The following VEGFD variants were observed in gnomAD, a reference collection of about 807,000 sequenced individuals.
VEGFD encodes the protein vascular endothelial growth factor D.
Under a neutral mutation model 28.0 loss-of-function variants are expected in VEGFD, and 26 were observed. That is an observed-to-expected ratio of 0.93 (90% CI 0.68 to 1.29). The LOEUF is 1.29. VEGFD is among the 50% of genes most tolerant of loss of function. The pLI is 0.00. For missense variants in VEGFD, 294 were observed against 273.4 expected (o/e 1.08, Z -0.53); for synonymous variants, 93 against 95.5 (o/e 0.97, Z 0.15).
rs191106284 is a variant in VEGFD at position 15,359,832 on chromosome X, C to T, written c.302-1639G>A. On this transcript the variant is annotated intron_variant, in intron 2 of 6. Coordinates refer to ENST00000297904, the MANE Select transcript of VEGFD (RefSeq NM_004469.5). ...AAGCACACTCTGCTTCAGCTGTGCCCTAAGATGCCTGCAGCCCAAGCCAAC... is the reference window on the plus strand; with the variant it reads ...AAGCACACTCTGCTTCAGCTGTGCCTTAAGATGCCTGCAGCCCAAGCCAAC... 1.0e-3 allele frequency among the ~76,000 whole-genome samples: 113 copies of T among 111,949 alleles called. 2 individuals carry two copies. In the Middle Eastern group the frequency reaches 0.018, roughly 18 times the overall value.
Position 15,377,347 on chromosome X carries a change from T to A in VEGFD, c.90+6510A>T, listed in dbSNP as rs16997031. On this transcript the variant is annotated intron_variant, in intron 1 of 6. Coordinates refer to ENST00000297904, the MANE Select transcript of VEGFD (RefSeq NM_004469.5). The stretch of plus-strand genomic sequence containing the variant: ...AGCCATGGTTGTTTCCCATCTTCAC[T>A]AAAGTTGTTCTGAATGTGGTAATGT... Among the ~76,000 whole-genome samples the A allele has an allele frequency of 3.9e-3, 437 of 111,930 alleles. 3 individuals carry two copies. Among genetic ancestry groups the A allele is most frequent in the African/African-American group, 0.013 (414 of 30,824 alleles).
intron 5 of VEGFD, among the ~76,000 whole-genome samples, chrX:15,348,831 A>C (rs1488263060): frequency 8.9e-6 from 1 of 112,332 alleles, no homozygotes; most frequent in Non-Finnish European, 1.9e-5. Context: ...TCTGATATAA[A>C]ATAGGCACTC....
chrX:15,359,734 C>T (rs1922963434), intron 2 of VEGFD, among the ~76,000 whole-genome samples: 1 of 111,612 alleles, frequency 9.0e-6, no homozygotes, highest in African/African-American at 3.3e-5. Context: ...CAATAGCCAG[C>T]GAGGAACTAA....
chrX:15,376,652 CA>C (rs1923445699), intron 1 of VEGFD, among the ~76,000 whole-genome samples: 1 of 111,754 alleles, frequency 8.9e-6, no homozygotes, highest in Non-Finnish European at 1.9e-5. Context: ...TGTCCCATAT[CA>C]AAATCCACTT....
chrX:15,370,025 T>C (rs1247282272), intron 1 of VEGFD, among the ~76,000 whole-genome samples: 1 of 111,756 alleles, frequency 8.9e-6, no homozygotes, highest in East Asian at 2.8e-4. Flanking sequence ...GGAATGCCAT[T>C]CACTCTTTGT....
At chrX:15,383,336 A>C (rs1227386237) in intron 1 of VEGFD, among the ~76,000 whole-genome samples, 1 of 112,313 alleles carries the variant, frequency 8.9e-6, no homozygotes, top group Non-Finnish European at 1.9e-5. Flanking sequence ...CCTTTCAAGA[A>C]GCGAAAAAAC....
At chrX:15,367,303 G>C (rs1923170697) in intron 1 of VEGFD, among the ~76,000 whole-genome samples, 1 of 112,307 alleles carries the variant, frequency 8.9e-6, no homozygotes, top group African/African-American at 3.2e-5. Context: ...GCAAAATTGT[G>C]GGAGTGAGAG....
intron 5 of VEGFD, among the ~76,000 whole-genome samples, chrX:15,350,867 C>A (rs1922688230): frequency 1.2e-5 from 1 of 81,372 alleles, no homozygotes; most frequent in Admixed American, 1.4e-4. Flanking sequence ...TTCTTTCTTT[C>A]TTTCTTTTTT....
At chrX:15,364,924 G>A (rs1316961527) in intron 1 of VEGFD, among the ~76,000 whole-genome samples, 1 of 111,981 alleles carries the variant, frequency 8.9e-6, no homozygotes, top group African/African-American at 3.2e-5. Context: ...ATTTTTTTTA[G>A]ACATGCTAGT....
chrX:15,350,811 T>TTC (rs1270964302), intron 5 of VEGFD, among the ~76,000 whole-genome samples: 1 of 101,150 alleles, frequency 9.9e-6, no homozygotes, highest in South Asian at 4.7e-4. Context: ...CTTTCTTTCT[T>TTC]TCTCTCTCTC....
Position 15,358,134 on chromosome X carries a change from C to A in VEGFD, c.361G>T (p.Ala121Ser), listed in dbSNP as rs1317052311. 8.3e-7 allele frequency: 1 copy of A among 1,211,413 alleles called. No individual in the cohort carries two copies. The highest frequency in any genetic ancestry group is 2.2e-5 in the Admixed American group (1 of 46,012). Reference protein sequence around the residue: ...CSPRETCVEVASELGKSTNTF... With the variant: ...CSPRETCVEVSSELGKSTNTF... ...TTGGTACTCTTCCCCAGCTCACTGG[C>A]CACCTCCACGCACGTTTCTCTAGGG... The change falls in exon 3 of 7, where the codon GCC (alanine) becomes TCC (serine). Residue 121 changes from alanine to serine, a missense_variant. By Grantham distance (99) the Ala-to-Ser change is moderately conservative. Coordinates refer to ENST00000297904, the MANE Select transcript of VEGFD (RefSeq NM_004469.5).
At chrX:15,369,352 GA>G (rs763079934) in intron 1 of VEGFD, among the ~76,000 whole-genome samples, 5,047 of 105,603 alleles carry the variant, frequency 0.048, 106 homozygotes, top group African/African-American at 0.08. Context: ...AGCCTCAGGG[GA>G]AAAAAAAAAC....
intron 1 of VEGFD, among the ~76,000 whole-genome samples, chrX:15,382,263 C>T (rs973937200): frequency 1.8e-5 from 2 of 109,969 alleles, no homozygotes; most frequent in South Asian, 3.9e-4. Context: ...GAGGTTGCAG[C>T]GAGCTGAGAT....
intron 1 of VEGFD, among the ~76,000 whole-genome samples, chrX:15,363,923 A>AT (rs1334537002): frequency 8.9e-6 from 1 of 112,240 alleles, no homozygotes; most frequent in African/African-American, 3.2e-5. Context: ...TGACCCTTCC[A>AT]TTTTGGAATT....
rs755476049 is a variant in VEGFD at position 15,348,266 on chromosome X, C to A, written c.743-907G>T. ...CTCTCTAAATTTGTTCTTTATTTTCCATCCCCACTACCACTCCCACAATTC... is the reference window on the plus strand; with the variant it reads ...CTCTCTAAATTTGTTCTTTATTTTCAATCCCCACTACCACTCCCACAATTC... On this transcript the variant is annotated intron_variant, in intron 5 of 6. Transcript: ENST00000297904. Among the ~76,000 whole-genome samples the A allele has an allele frequency of 3.6e-5, 4 of 111,792 alleles. No individual in the cohort carries two copies. In the South Asian group the frequency reaches 1.5e-3, roughly 42 times the overall value.
At chrX:15,375,312 A>G (rs1367100040) in intron 1 of VEGFD, among the ~76,000 whole-genome samples, 1 of 112,322 alleles carries the variant, frequency 8.9e-6, no homozygotes, top group African/African-American at 3.2e-5. Context: ...AAGTGTGTAA[A>G]GAAAAAAACA....
At position 15,358,209 on chromosome X, in the gene VEGFD, A is replaced by T; in HGVS notation, c.302-16T>A. The T allele has an allele frequency of 8.4e-7, 1 of 1,189,290 alleles. No individual in the cohort carries two copies. The highest frequency in any genetic ancestry group is 1.1e-6 in the Non-Finnish European group (1 of 881,713). ...TCATCTATAACTGCAGAGAGAAAGA[A>T]AGCTCACTGGGGCTAGCAGGTGGAA... On this transcript the variant is annotated splice_polypyrimidine_tract_variant and intron_variant, in intron 2 of 6. Coordinates refer to ENST00000297904, the MANE Select transcript of VEGFD (RefSeq NM_004469.5).
Position 15,358,144 on chromosome X carries a change from G to A in VEGFD, c.351C>T (p.Cys117=), listed in dbSNP as rs779779756. The part of the protein sequence containing the change: ...QRTQCSPRET[C]VEVASELGKS... ...TCCCCAGCTCACTGGCCACCTCCAC[G>A]CACGTTTCTCTAGGGCTGCACTGAG... The change falls in exon 3 of 7, where the codon TGC becomes TGT. Residue 117 remains cysteine (C), a synonymous_variant. Transcript: ENST00000297904. 3.3e-6 allele frequency: 4 copies of A among 1,211,124 alleles called. No homozygotes were observed. Among genetic ancestry groups the A allele is most frequent in the South Asian group, 3.5e-5 (2 of 56,882 alleles).
rs1005194908 is a variant in VEGFD at position 15,358,260 on chromosome X, A to G, written c.302-67T>C. ...TGGTCCTGGTGTGCCAACATGTGCC[A>G]GGGTTATGCTGAACACAGTCATTTT... On this transcript the variant is annotated intron_variant, in intron 2 of 6. Coordinates refer to ENST00000297904, the MANE Select transcript of VEGFD (RefSeq NM_004469.5). 5 of 936,333 alleles carry G rather than the reference A, an allele frequency of 5.3e-6. No individual in the cohort carries two copies. The African/African-American group carries it at 9.8e-5, about 18-fold the overall frequency. The allele number at this position is 936,333 out of a possible 1,213,427, so 77.2% of individuals were successfully genotyped here.
Sources: gnomAD v4.1 joint callset for allele counts (sites outside exome capture counted in the v4.1 genomes callset) on GRCh38, gnomAD v4.1.1 for gene constraint, MANE v1.5 for transcripts, NCBI Gene and HGNC (gene_info 2026-07-23, HGNC 2026-07-21) for gene names.